Variants in NMRK2 observed in about 807,000 individuals in gnomAD.
NMRK2 encodes the protein nicotinamide riboside kinase 2.
Under a neutral mutation model 24.7 loss-of-function variants are expected in NMRK2, and 34 were observed. That is an observed-to-expected ratio of 1.37 (90% confidence interval 1.05 to 1.83). NMRK2 has a LOEUF of 1.83. Ranked by LOEUF, NMRK2 falls within the 40% of genes most tolerant of loss-of-function variation. The pLI is 0.00. For missense variants in NMRK2, 341 were observed against 315.0 expected (o/e 1.08, Z -0.62); for synonymous variants, 145 against 125.6 (o/e 1.15, Z -1.03).
intron 7 of NMRK2, among the ~76,000 whole-genome samples, chr19:3,941,435 T>C (rs1240614234): frequency 2.0e-5 from 3 of 151,374 alleles, no homozygotes; most frequent in African/African-American, 4.9e-5. Context: ...GTATTATTAA[T>C]AGAGACAGGG....
At position 3,938,756 on chromosome 19, in the gene NMRK2, A is replaced by G. The variant is rs2039266064; in HGVS notation, c.320A>G (p.Tyr107Cys). The G allele has an allele frequency of 1.3e-6, 2 of 1,583,236 alleles. No individual in the cohort carries two copies. Among genetic ancestry groups the G allele is most frequent in the East Asian group, 2.3e-5 (1 of 42,870 alleles). The change falls in exon 5 of 8, where the codon TAC becomes TGC. Residue 107 changes from tyrosine (Y) to cysteine (C), a missense_variant. By Grantham distance (194) the Tyr-to-Cys change is radical. Transcript: ENST00000168977. ...CTGGAAGGCTTCCTGCTCTACAGCTACAAGTAAACATCTGCAGGCTCTGGC... is the reference window on the plus strand; with the variant it reads ...CTGGAAGGCTTCCTGCTCTACAGCTGCAAGTAAACATCTGCAGGCTCTGGC... ...LLLEGFLLYS[Y>C]KPLVDLYSRR...
intron 6 of NMRK2, among the ~76,000 whole-genome samples, chr19:3,940,670 G>A (rs1191767915): frequency 2.6e-5 from 4 of 151,292 alleles, no homozygotes; most frequent in South Asian, 2.1e-4. Flanking sequence ...GGGAGGTGGA[G>A]GTTGCAGTGA....
At position 3,939,959 on chromosome 19, in the gene NMRK2, A is replaced by G. The variant is rs539348131; in HGVS notation, c.383A>G (p.Lys128Arg). 1 of 1,611,778 alleles carries G rather than the reference A, an allele frequency of 6.2e-7. No homozygotes were observed. Among genetic ancestry groups the G allele is most frequent in the African/African-American group, 1.3e-5 (1 of 74,884 alleles). Residue 128 changes from lysine to arginine, a missense_variant, in exon 6 of 8, where the codon AAG becomes AGG. Coordinates refer to ENST00000168977, the MANE Select transcript of NMRK2 (RefSeq NM_170678.3). ...YFLTVPYEEC[K>R]WRRSTRNYTV... ...CTGACCGTCCCGTATGAAGAGTGCA[A>G]GTGGAGGAGAAGGTGCACTTGGTGT...
In NMRK2 at chr19:3,937,118, G is replaced by C; in HGVS notation, c.118-122G>C. On this transcript the variant is annotated intron_variant, in intron 3 of 7. Transcript: ENST00000168977. ...CTGGGGAAAATCTGAGGGTCAGGCAGAGCCCCCACGCCTCAGGGACCTCAG... is the reference window on the plus strand; with the variant it reads ...CTGGGGAAAATCTGAGGGTCAGGCACAGCCCCCACGCCTCAGGGACCTCAG... 4 of 886,656 alleles carry C rather than the reference G, an allele frequency of 4.5e-6. No individual in the cohort carries two copies. In the South Asian group the frequency reaches 5.7e-5, roughly 13 times the overall value. 54.9% of individuals were successfully genotyped at this position (886,656 alleles called of 1,614,324 possible).
intron 2 of NMRK2, 130 bp downstream of exon 2, chr19:3,933,827 G>C (rs2039162509): frequency 3.3e-6 from 3 of 896,550 alleles, no homozygotes. Flanking sequence ...CGAGGTCAGA[G>C]TGCAGGGAGG....
chr19:3,935,456 A>G (rs528655725), intron 2 of NMRK2, among the ~76,000 whole-genome samples: 173 of 151,956 alleles, frequency 1.1e-3, no homozygotes, highest in African/African-American at 3.7e-3. Context: ...GGGTTTCACC[A>G]GGTTGGCCAG....
At position 3,936,565 on chromosome 19, in the gene NMRK2, G is replaced by A; in HGVS notation, c.27-10G>A. The A allele has an allele frequency of 6.5e-7, 1 of 1,543,584 alleles. No individual in the cohort carries two copies. Among genetic ancestry groups the A allele is most frequent in the Non-Finnish European group, 8.7e-7 (1 of 1,146,982 alleles). On this transcript the variant is annotated splice_polypyrimidine_tract_variant and intron_variant, in intron 2 of 7. Coordinates refer to ENST00000168977, the MANE Select transcript of NMRK2 (RefSeq NM_170678.3). ...GCCCAGGCAGTCTCATGCACACGCT[G>A]TCTCCCCAGCATGACCAACGGCGGC...
intron 7 of NMRK2, among the ~76,000 whole-genome samples, chr19:3,941,626 C>T (rs969196824): frequency 6.0e-5 from 9 of 150,994 alleles, no homozygotes; most frequent in African/African-American, 2.2e-4. Flanking sequence ...TGAGCCTCGC[C>T]CCCAGTCCCT....
At chr19:3,938,157 T>C (rs1599162055) in intron 4 of NMRK2, among the ~76,000 whole-genome samples, 1 of 95,172 alleles carries the variant, frequency 1.1e-5, no homozygotes, top group African/African-American at 4.2e-5. Context: ...CCCCCCGGGG[T>C]CCACCCTCCT....
At chr19:3,938,133 T>C (rs2039248668) in intron 4 of NMRK2, among the ~76,000 whole-genome samples, 1 of 110,986 alleles carries the variant, frequency 9.0e-6, no homozygotes, top group Non-Finnish European at 1.8e-5. Context: ...CAATACCTGC[T>C]CCCCGTCCAC....
intron 2 of NMRK2, among the ~76,000 whole-genome samples, chr19:3,934,434 ACT>A (rs1568178168): frequency 6.6e-6 from 1 of 151,414 alleles, no homozygotes; most frequent in African/African-American, 2.4e-5. Flanking sequence ...AGAGATTCAA[ACT>A]CTCTGTAACC....
At chr19:3,937,203 G>A (rs1000912792) in intron 3 of NMRK2, 37 bp from the exon 4 acceptor site, 20 of 1,610,246 alleles carry the variant, frequency 1.2e-5, no homozygotes, top group Middle Eastern at 1.7e-4. Flanking sequence ...AGGCAGGACC[G>A]GGCACTGAGC....
rs1005088739 is a variant in NMRK2, at chr19:3,938,677, C to T, written c.241C>T (p.Arg81Cys). ...AWLSSPQKFA[R>C]AHGVSVQPEA... is the part of the protein sequence containing the mutation. The stretch of plus-strand genomic sequence containing the variant: ...GCTGAGCAGCCCGCAGAAGTTTGCC[C>T]GTGCCCACGGGGTCAGCGTCCAGCC... Residue 81 changes from arginine to cysteine, a missense_variant, in exon 5 of 8, where the codon CGT becomes TGT. Transcript: ENST00000168977. 6 of 1,612,700 alleles carry T rather than the reference C, an allele frequency of 3.7e-6. No individual in the cohort carries two copies. Among genetic ancestry groups the T allele is most frequent in the South Asian group, 2.2e-5 (2 of 90,994 alleles).
At chr19:3,938,334 C>T (rs1335790799) in intron 4 of NMRK2, among the ~76,000 whole-genome samples, 1 of 138,428 alleles carries the variant, frequency 7.2e-6, no homozygotes, top group African/African-American at 3.0e-5. Context: ...CACTGTTCCC[C>T]CGGGGTCCAC....
chr19:3,933,534 G>C lies in NMRK2; in HGVS notation c.-138G>C. 1.0e-6 allele frequency: 1 copy of C among 971,050 alleles called. No individual in the cohort carries two copies. The highest frequency in any genetic ancestry group is 1.4e-6 in the Non-Finnish European group (1 of 691,342). 60.2% of individuals were successfully genotyped at this position (971,050 alleles called of 1,614,324 possible). A position where few individuals can be genotyped will look rare whatever the true frequency, so the allele number is the denominator to read the frequency against. ...CATCCCCAGGGGCCGCCTCCCCCGG[G>C]GCGGCCTCCAGGCTGCCGAGACCTA... On this transcript the variant is annotated 5_prime_UTR_variant, in exon 2 of 8. Transcript: ENST00000168977.
In NMRK2 at chr19:3,933,330, G is replaced by A. The variant is rs571085433; in HGVS notation, c.-214-128G>A. On this transcript the variant is annotated intron_variant, in intron 1 of 7. Coordinates refer to ENST00000168977, the MANE Select transcript of NMRK2 (RefSeq NM_170678.3). ...GAGGAGGGAAGAGGGTGGGGGTGGA[G>A]AGGAGGGAGGAGGGGGTAAGAAGGG... is the stretch of plus-strand genomic sequence containing the variant. 8.5e-6 allele frequency: 3 copies of A among 354,284 alleles called. No individual in the cohort carries two copies. The South Asian group carries it at 1.5e-4, about 18-fold the overall frequency. 21.9% of individuals were successfully genotyped at this position (354,284 alleles called of 1,614,324 possible).
chr19:3,936,726 C>T (rs1353762403), intron 3 of NMRK2, 61 bp downstream of exon 3: 11 of 1,389,096 alleles, frequency 7.9e-6, no homozygotes, highest in Middle Eastern at 2.5e-4. Flanking sequence ...CAGCCAGGCC[C>T]GGCCAGCCCC....
chr19:3,936,472 G>A, intron 2 of NMRK2, 103 bp from the exon 3 acceptor site: 1 of 689,504 alleles, frequency 1.5e-6, no homozygotes, highest in Non-Finnish European at 2.4e-6. Context: ...CTGAGACATG[G>A]ACAGGCCCCG....
At chr19:3,940,313 G>A (rs1375208129) in intron 6 of NMRK2, among the ~76,000 whole-genome samples, 3 of 138,068 alleles carry the variant, frequency 2.2e-5, no homozygotes, top group East Asian at 2.1e-4. Context: ...TTTAGACTGG[G>A]TGACAGAGGG....
Sources: allele counts gnomAD v4.1 joint callset (sites outside exome capture counted in the v4.1 genomes callset), GRCh38; gene constraint gnomAD v4.1.1; transcripts MANE v1.5; gene names NCBI Gene and HGNC (gene_info 2026-07-23, HGNC 2026-07-21).